APC2: variants seen among roughly 807,000 people sequenced by gnomAD.
APC2 encodes adenomatous polyposis coli protein 2.
Under a neutral mutation model 72.5 loss-of-function variants are expected in APC2, and 41 were observed. The observed-to-expected ratio is 0.57, with a 90% CI of 0.44 to 0.73. The LOEUF is 0.73. Among genes scored for constraint, APC2 ranks in the 30% least tolerant of loss-of-function variants. APC2 has a pLI of 0.00. For synonymous variants in APC2, 1,898 were observed against 1,612.0 expected (o/e 1.18, Z -4.25); for missense variants, 3,729 against 3,403.4 (o/e 1.10, Z -2.38).
Position 1,452,854 on chromosome 19 carries a change from C to A in APC2, c.-18-130C>A. On this transcript the variant is annotated intron_variant, in intron 1 of 14. Coordinates refer to ENST00000590469, the MANE Select transcript of APC2 (RefSeq NM_005883.3). The surrounding 1 kb of genome is among the most constrained non-coding windows in gnomAD (Gnocchi z 5.1). ...CTGTACTTGTCCACACCAGTGACTC[C>A]TGCCTGAGACCCCCCCCAACCCAGG... The A allele has an allele frequency of 1.7e-6, 2 of 1,187,888 alleles. No individual in the cohort carries two copies. The highest frequency in any genetic ancestry group is 2.3e-6 in the Non-Finnish European group (2 of 868,038). 73.6% of individuals were successfully genotyped at this position (1,187,888 alleles called of 1,614,324 possible).
intron 11 of APC2, among the ~76,000 whole-genome samples, 172 bp downstream of exon 11, chr19:1,460,492 C>T (rs965421298): frequency 3.3e-5 from 5 of 152,202 alleles, no homozygotes; most frequent in Non-Finnish European, 5.9e-5. Flanking sequence ...GGGACGGGAG[C>T]GCGTGCTGAA....
chr19:1,466,308 C>T lies in APC2; in HGVS notation c.3007C>T (p.Pro1003Ser), dbSNP rs2084013553. The part of the protein sequence containing the change: ...IKLSPTYQHV[P>S]LLEGASRAGA... ...GCTGTCGCCTACCTATCAGCACGTG[C>T]CACTGCTTGAGGGTGCCTCAAGGGC... The change falls in exon 15 of 15, where the codon CCA (proline) becomes TCA (serine). Residue 1003 changes from proline to serine, a missense_variant. Pro to Ser is a moderately conservative substitution (Grantham distance 74, BLOSUM62 -1). Coordinates refer to ENST00000590469, the MANE Select transcript of APC2 (RefSeq NM_005883.3). 1 of 1,540,580 alleles carries T rather than the reference C, an allele frequency of 6.5e-7. No individual in the cohort carries two copies. Among genetic ancestry groups the T allele is most frequent in the Non-Finnish European group, 8.7e-7 (1 of 1,147,380 alleles).
At chr19:1,446,693 G>A (rs1036582540), upstream of APC2, among the ~76,000 whole-genome samples, 1 of 152,042 alleles carries the variant, frequency 6.6e-6, no homozygotes, top group Non-Finnish European at 1.5e-5. This position sits in a 1 kb window ranked among gnomAD's most constrained non-coding sequence, Gnocchi z 6.1. Flanking sequence ...GGGGGCGGCT[G>A]CGGGGGCATC....
chr19:1,467,181 C>A lies in APC2; in HGVS notation c.3880C>A (p.Leu1294Met). 6.6e-7 allele frequency: 1 copy of A among 1,518,060 alleles called. No homozygotes were observed. Among genetic ancestry groups the A allele is most frequent in the Non-Finnish European group, 8.8e-7 (1 of 1,135,730 alleles). 94.0% of individuals were successfully genotyped at this position (1,518,060 alleles called of 1,614,324 possible). Residue 1294 changes from leucine to methionine, a missense_variant, in exon 15 of 15, where the codon CTG becomes ATG. Coordinates refer to ENST00000590469, the MANE Select transcript of APC2 (RefSeq NM_005883.3). ...HEHYVQQDVE[L>M]RLLPSACPER... ...GCACTACGTGCAGCAGGACGTGGAG[C>A]TGCGGCTGCTGCCCTCGGCCTGCCC... is the stretch of plus-strand genomic sequence containing the variant.
At chr19:1,455,940 T>TC in intron 6 of APC2, 136 bp from the exon 7 acceptor site, 3 of 292,388 alleles carry the variant, frequency 1.0e-5, no homozygotes, top group Non-Finnish European at 1.6e-5. Flanking sequence ...AAGGCAGAGG[T>TC]AGGGTCAGGG....
At chr19:1,446,491 C>T (rs2083688559), upstream of APC2, 1 of 525,410 alleles carries the variant, frequency 1.9e-6, no homozygotes, top group Non-Finnish European at 2.4e-6. This position sits in a 1 kb window ranked among gnomAD's most constrained non-coding sequence, Gnocchi z 6.1. Context: ...GTGCCGTCGC[C>T]GTAGAGACCG....
chr19:1,446,766 TCA>T (rs1354993527), upstream of APC2, among the ~76,000 whole-genome samples: 1 of 151,948 alleles, frequency 6.6e-6, no homozygotes, highest in Non-Finnish European at 1.5e-5. This position sits in a 1 kb window ranked among gnomAD's most constrained non-coding sequence, Gnocchi z 6.1. Flanking sequence ...TCTTTGGGCC[TCA>T]GTTTCCCCTT....
rs1419980408 is a variant in APC2, at chr19:1,469,367, G to A, written c.6066G>A (p.Gln2022=). 3 of 1,262,648 alleles carry A rather than the reference G, an allele frequency of 2.4e-6. No homozygotes were observed. Among genetic ancestry groups the A allele is most frequent in the Admixed American group, 8.0e-5 (2 of 25,018 alleles). The allele number at this position is 1,262,648 out of a possible 1,614,324, so 78.2% of individuals were successfully genotyped here. The change falls in exon 15 of 15, where the codon CAG becomes CAA. Residue 2022 remains glutamine (Q), a synonymous_variant. Transcript: ENST00000590469. ...CCGAGTCCGCGGCCTCTGCCCCCCA[G>A]GGCGCCTCGCCCCGCCGCGGCCGGC... ...SSAESAASAP[Q]GASPRRGRPA...
chr19:1,452,804 A>T lies in APC2; in HGVS notation c.-18-180A>T. ...CTCCACCTGCCCCTCTGCGCCCCGG[A>T]TTGCCTGGCCACCACCACGTGGGCC... On this transcript the variant is annotated intron_variant, in intron 1 of 14. Transcript: ENST00000590469. The surrounding 1 kb of genome is among the most constrained non-coding windows in gnomAD (Gnocchi z 5.1). 1 of 703,778 alleles carries T rather than the reference A, an allele frequency of 1.4e-6. No individual in the cohort carries two copies. The highest frequency in any genetic ancestry group is 2.3e-6 in the Non-Finnish European group (1 of 440,440). The allele number at this position is 703,778 out of a possible 1,614,324, so 43.6% of individuals were successfully genotyped here.
At chr19:1,446,270 C>G (rs1415591142), upstream of APC2, 7 of 984,338 alleles carry the variant, frequency 7.1e-6, no homozygotes, top group Non-Finnish European at 7.2e-6. The surrounding 1 kb of genome is among the most constrained non-coding windows in gnomAD (Gnocchi z 6.1). Flanking sequence ...GCGGCGGGTC[C>G]GGGGCGGCCG....
chr19:1,469,952 C>G lies in APC2; in HGVS notation c.6651C>G (p.Ala2217=), dbSNP rs1046712957. The change falls in exon 15 of 15, where the codon GCC becomes GCG. Residue 2217 remains alanine, a synonymous_variant. Coordinates refer to ENST00000590469, the MANE Select transcript of APC2 (RefSeq NM_005883.3). Reference sequence around the variant, plus strand: ...TGGAGACCAGGGAGCCCCCCGGGGCCCCCGCCGGCGGCCAGCTCTCCCTCC... The same window carrying G: ...TGGAGACCAGGGAGCCCCCCGGGGCGCCCGCCGGCGGCCAGCTCTCCCTCC... The part of the protein sequence containing the change: ...PSLETREPPG[A]PAGGQLSLLG... 1.5e-5 allele frequency: 23 copies of G among 1,513,066 alleles called. No homozygotes were observed. The highest frequency in any genetic ancestry group is 2.0e-5 in the Non-Finnish European group (23 of 1,137,442). 93.7% of individuals were successfully genotyped at this position (1,513,066 alleles called of 1,614,324 possible).
In APC2 at chr19:1,466,219, G is replaced by A. The variant is rs769334521; in HGVS notation, c.2918G>A (p.Gly973Asp). ...RPSRLDLDLP[G>D]CQAEPPAREA... is the part of the protein sequence containing the mutation. ...AGCCGGCTTGACCTTGACCTGCCCG[G>A]CTGCCAGGCCGAGCCCCCGGCCCGC... is the stretch of plus-strand genomic sequence containing the variant. The change falls in exon 15 of 15, where the codon GGC (glycine) becomes GAC (aspartate). Residue 973 changes from glycine (G) to aspartate (D), a missense_variant. Transcript: ENST00000590469. 56 of 1,548,128 alleles carry A rather than the reference G, an allele frequency of 3.6e-5. No individual in the cohort carries two copies. The highest frequency in any genetic ancestry group is 1.7e-4 in the African/African-American group (12 of 72,690).
At chr19:1,458,823 A>ACAGGTGCC in intron 10 of APC2, among the ~76,000 whole-genome samples, 1 of 151,974 alleles carries the variant, frequency 6.6e-6, no homozygotes, top group Admixed American at 6.5e-5. Context: ...AGCTGGGATT[A>ACAGGTGCC]CAGGTGCCCG....
At position 1,456,351 on chromosome 19, in the gene APC2, A is replaced by T. The variant is rs776674592; in HGVS notation, c.763A>T (p.Thr255Ser). ...KSVPVDEDPE[T>S]EVPTHPEDGT... ...GGTGCCGGTGGACGAGGACCCCGAG[A>T]CAGAGGTCCCCACACACCCTGAGGA... The change falls in exon 8 of 15, where the codon ACA (threonine) becomes TCA (serine). Residue 255 changes from threonine to serine, a missense_variant. By Grantham distance (58) the Thr-to-Ser change is moderately conservative. Transcript: ENST00000590469. 3.7e-6 allele frequency: 6 copies of T among 1,609,538 alleles called. No individual in the cohort carries two copies. The South Asian group carries it at 5.5e-5, about 15-fold the overall frequency.
intron 14 of APC2, among the ~76,000 whole-genome samples, 163 bp from the exon 15 acceptor site, chr19:1,464,992 T>C (rs2083983293): frequency 6.6e-6 from 1 of 151,980 alleles, no homozygotes; most frequent in African/African-American, 2.4e-5. Flanking sequence ...ATTTAGTCTC[T>C]GTCATGCAAT....
chr19:1,463,292 C>T (rs2083955908), intron 14 of APC2, among the ~76,000 whole-genome samples: 1 of 151,754 alleles, frequency 6.6e-6, no homozygotes, highest in Non-Finnish European at 1.5e-5. Context: ...GTGGCGGGCA[C>T]CTGTGGTCCC....
rs1488349776 is a variant in APC2 at position 1,456,232 on chromosome 19, C to T, written c.718-74C>T. On this transcript the variant is annotated intron_variant, in intron 7 of 14. Transcript: ENST00000590469. The stretch of plus-strand genomic sequence containing the variant: ...GGGGCTCCTCGAGTTCTGCCCGCCC[C>T]CGCCCACATCATCACGGGTGAGCAG... 5 of 1,553,766 alleles carry T rather than the reference C, an allele frequency of 3.2e-6. No homozygotes were observed. In the African/African-American group the frequency reaches 5.4e-5, roughly 17 times the overall value.
chr19:1,470,169 G>T lies in APC2; in HGVS notation c.6868G>T (p.Ala2290Ser). 6.2e-7 allele frequency: 1 copy of T among 1,602,264 alleles called. No homozygotes were observed. The highest frequency in any genetic ancestry group is 8.5e-7 in the Non-Finnish European group (1 of 1,176,578). Residue 2290 changes from alanine to serine, a missense_variant, in exon 15 of 15, where the codon GCG becomes TCG. By Grantham distance (99) the Ala-to-Ser change is moderately conservative. Coordinates refer to ENST00000590469, the MANE Select transcript of APC2 (RefSeq NM_005883.3). Reference protein sequence around the residue: ...MVVAATTDSAAEKAPATASAT... With the variant: ...MVVAATTDSASEKAPATASAT... ...GGTCGCAGCCACCACCGACTCGGCCGCGGAGAAAGCCCCGGCCACTGCCTC... is the reference window on the plus strand; with the variant it reads ...GGTCGCAGCCACCACCGACTCGGCCTCGGAGAAAGCCCCGGCCACTGCCTC...
rs952916555 is a variant in APC2 at position 1,471,962 on chromosome 19, A to C, written c.*1749A>C. ...ACAAGGAGCTCCAGACAGGACGTCC[A>C]TAAGTCACCGAGGTGTGCCACCCAG... On this transcript the variant is annotated 3_prime_UTR_variant, in exon 15 of 15. Coordinates refer to ENST00000590469, the MANE Select transcript of APC2 (RefSeq NM_005883.3). The C allele has an allele frequency of 1.3e-5, 2 of 152,380 alleles. No homozygotes were observed. The highest frequency in any genetic ancestry group is 2.4e-5 in the African/African-American group (1 of 41,464). 9.4% of individuals were successfully genotyped at this position (152,380 alleles called of 1,614,324 possible).
Sources: allele counts gnomAD v4.1 joint callset (sites outside exome capture counted in the v4.1 genomes callset), GRCh38; gene constraint gnomAD v4.1.1; non-coding constraint Gnocchi (gnomAD v3.1); transcripts MANE v1.5; gene names NCBI Gene and HGNC (gene_info 2026-07-23, HGNC 2026-07-21).